Variants in PKN3 observed in about 807,000 individuals in gnomAD.
The protein encoded by PKN3 is serine/threonine-protein kinase N3.
In PKN3, 91 loss-of-function variants were observed where a neutral mutation model predicts 113.1. The ratio of observed to expected loss-of-function variants is 0.80; its 90% CI spans 0.68 to 0.96. PKN3 has a LOEUF of 0.96. Among genes scored for constraint, PKN3 ranks in the 40% least tolerant of loss-of-function variants. The pLI, the probability that PKN3 is intolerant of heterozygous loss-of-function variation, is 0.00. For missense variants in PKN3, 1,052 were observed against 1,202.2 expected (o/e 0.88, Z 1.85); for synonymous variants, 467 against 499.0 (o/e 0.94, Z 0.85).
Position 128,720,240 on chromosome 9 carries a change from G to A in PKN3, c.2414G>A (p.Gly805Asp), listed in dbSNP as rs1031769231. Residue 805 changes from glycine (G) to aspartate (D), a missense_variant, in exon 21 of 22, where the codon GGT becomes GAT. Gly to Asp is a moderately conservative substitution (Grantham distance 94). This residue lies in a region of PKN3 where 333 missense variants were observed against 442.8 expected (regional missense o/e 0.75). Transcript: ENST00000291906. This position sits in a 1 kb window ranked among gnomAD's most constrained non-coding sequence, Gnocchi z 5.5. ...QKCPEKRLGA[G>D]EQDAEEIKVQ... is the part of the protein sequence containing the mutation. ...TGCCCGGAGAAGCGCCTCGGGGCAG[G>A]TGAGCAGGATGCCGAGGAGATCAAG... 2 of 1,613,864 alleles carry A rather than the reference G, an allele frequency of 1.2e-6. No homozygotes were observed. Among genetic ancestry groups the A allele is most frequent in the Non-Finnish European group, 1.7e-6 (2 of 1,180,024 alleles).
In PKN3 at chr9:128,714,050, CCTT is replaced by C. The variant is rs1564374903; in HGVS notation, c.1244_1246del (p.Phe415del). On this transcript the variant is annotated inframe_deletion, in exon 10 of 22. Transcript: ENST00000291906. ...ACCCTGCCCCTACCCCTGCAGGTGA[CCTT>C]CTGCGATCCTGTCATTGAGAGGCGG... The C allele has an allele frequency of 1.9e-6, 3 of 1,614,086 alleles. No individual in the cohort carries two copies. The highest frequency in any genetic ancestry group is 2.7e-5 in the African/African-American group (2 of 75,022).
In PKN3 at chr9:128,720,323, G is replaced by A; in HGVS notation, c.2457+40G>A. ...TGGCGGTGGTCCCCTGTGCCTGGCAGGGTAGGTGGCATGGAGTGACTCCTG... is the reference window on the plus strand; with the variant it reads ...TGGCGGTGGTCCCCTGTGCCTGGCAAGGTAGGTGGCATGGAGTGACTCCTG... On this transcript the variant is annotated intron_variant, in intron 21 of 21. Transcript: ENST00000291906. This position sits in a 1 kb window ranked among gnomAD's most constrained non-coding sequence, Gnocchi z 5.5. 1 of 1,612,518 alleles carries A rather than the reference G, an allele frequency of 6.2e-7. No homozygotes were observed. The highest frequency in any genetic ancestry group is 8.5e-7 in the Non-Finnish European group (1 of 1,179,074).
In PKN3 at chr9:128,702,568, G is replaced by A. The variant is rs1259194573; in HGVS notation, c.-348G>A. ...GGGGAAGGCCAGAGGACCTGGGCGCGGGCGATGTGCCTCCTGAGCGTCCAA... is the reference window on the plus strand; with the variant it reads ...GGGGAAGGCCAGAGGACCTGGGCGCAGGCGATGTGCCTCCTGAGCGTCCAA... On this transcript the variant is annotated 5_prime_UTR_variant, in exon 1 of 22. Coordinates refer to ENST00000291906, the MANE Select transcript of PKN3 (RefSeq NM_013355.5). 1 of 274,072 alleles carries A rather than the reference G, an allele frequency of 3.6e-6. No homozygotes were observed. The highest frequency in any genetic ancestry group is 6.8e-6 in the Non-Finnish European group (1 of 147,984). 17.0% of individuals were successfully genotyped at this position (274,072 alleles called of 1,614,324 possible).
Position 128,720,489 on chromosome 9 carries a change from G to T in PKN3, c.2553G>T (p.Glu851Asp). The T allele has an allele frequency of 6.2e-7, 1 of 1,613,166 alleles. No individual in the cohort carries two copies. Residue 851 changes from glutamate (E) to aspartate (D), a missense_variant, in exon 22 of 22, where the codon GAG (glutamate) becomes GAT (aspartate). Glu to Asp is a conservative substitution (Grantham distance 45, BLOSUM62 2). Transcript: ENST00000291906. This position sits in a 1 kb window ranked among gnomAD's most constrained non-coding sequence, Gnocchi z 5.5. The part of the protein sequence containing the change: ...GPADLRYFEG[E>D]FTGLPPALTP... ...CGGACCTGCGCTACTTTGAGGGCGA[G>T]TTCACAGGGCTGCCGCCTGCCCTGA...
At position 128,720,020 on chromosome 9, in the gene PKN3, A is replaced by G. The variant is rs755172403; in HGVS notation, c.2376+3A>G. 1 of 1,611,878 alleles carries G rather than the reference A, an allele frequency of 6.2e-7. No homozygotes were observed. The highest frequency in any genetic ancestry group is 1.1e-5 in the South Asian group (1 of 91,042). ...AAGGGCTTGAGTTCATTCAGAAGGTAAGCACTGCGGGGTCTGGGGCTGGGC... is the reference window on the plus strand; with the variant it reads ...AAGGGCTTGAGTTCATTCAGAAGGTGAGCACTGCGGGGTCTGGGGCTGGGC... On this transcript the variant is annotated splice_donor_region_variant and intron_variant, in intron 20 of 21. Transcript: ENST00000291906. The surrounding 1 kb of genome is among the most constrained non-coding windows in gnomAD (Gnocchi z 5.5).
At position 128,714,832 on chromosome 9, in the gene PKN3, G is replaced by A. The variant is rs757729788; in HGVS notation, c.1619G>A (p.Arg540Gln). The change falls in exon 13 of 22, where the codon CGA becomes CAA. Residue 540 changes from arginine to glutamine, a missense_variant. Arg to Gln is a conservative substitution (Grantham distance 43, BLOSUM62 1). This residue lies in a region of PKN3 where 719 missense variants were observed against 759.4 expected (regional missense o/e 0.95). Transcript: ENST00000291906. ...CGTCCCCATATGGAGCCTAGGACTC[G>A]ACGTGGGCCATCTCCACCAGCCTCC... Reference protein sequence around the residue: ...TKRPHMEPRTRRGPSPPASPT... With the variant: ...TKRPHMEPRTQRGPSPPASPT... 11 of 1,613,890 alleles carry A rather than the reference G, an allele frequency of 6.8e-6. No individual in the cohort carries two copies. The Admixed American group carries it at 1.0e-4, about 15-fold the overall frequency.
chr9:128,715,138 T>C lies in PKN3; in HGVS notation c.1653-34T>C. 1 of 1,606,338 alleles carries C rather than the reference T, an allele frequency of 6.2e-7. No individual in the cohort carries two copies. The highest frequency in any genetic ancestry group is 2.2e-5 in the East Asian group (1 of 44,812). On this transcript the variant is annotated intron_variant, in intron 13 of 21. Coordinates refer to ENST00000291906, the MANE Select transcript of PKN3 (RefSeq NM_013355.5). The surrounding 1 kb of genome is among the most constrained non-coding windows in gnomAD (Gnocchi z 4.1). Reference sequence around the variant, plus strand: ...CTGGGTAGGGGCCCAGCCAGTGCCCTAGGGGACTTCATATACCCTCTCTTC... The same window carrying C: ...CTGGGTAGGGGCCCAGCCAGTGCCCCAGGGGACTTCATATACCCTCTCTTC...
At chr9:128,703,793 G>A in intron 1 of PKN3, 1 of 985,450 alleles carries the variant, frequency 1.0e-6, no homozygotes, top group South Asian at 4.7e-5. Flanking sequence ...CTGGGGCTCG[G>A]TCTGCCCCCT....
intron 6 of PKN3, chr9:128,709,991 T>G (rs528758699): frequency 1.4e-5 from 2 of 146,450 alleles, no homozygotes; most frequent in African/African-American, 2.5e-5. Flanking sequence ...AGTGGCGCGA[T>G]CTCGGCTCAC....
chr9:128,705,353 G>T lies in PKN3; in HGVS notation c.75G>T (p.Arg25=). ...PPEDEKEVIR[R]AIQKELKIKE... is the part of the protein sequence containing the mutation. The stretch of plus-strand genomic sequence containing the variant: ...AGGATGAGAAGGAGGTGATCCGCCG[G>T]GCCATCCAGAAAGAGCTGAAGATCA... The change falls in exon 2 of 22, where the codon CGG becomes CGT. Residue 25 remains arginine, a synonymous_variant. Transcript: ENST00000291906. 6.3e-7 allele frequency: 1 copy of T among 1,586,196 alleles called. No homozygotes were observed. The highest frequency in any genetic ancestry group is 8.6e-7 in the Non-Finnish European group (1 of 1,167,388).
At chr9:128,716,385 G>T (rs768219136) in intron 15 of PKN3, among the ~76,000 whole-genome samples, 2 of 150,420 alleles carry the variant, frequency 1.3e-5, no homozygotes, top group African/African-American at 4.9e-5. Context: ...ATAACTTGAG[G>T]CCAAGAGTTC....
At chr9:128,704,978 G>A (rs1034313100) in intron 1 of PKN3, among the ~76,000 whole-genome samples, 7 of 152,010 alleles carry the variant, frequency 4.6e-5, no homozygotes, top group East Asian at 3.8e-4. Flanking sequence ...CACCGCTACC[G>A]GGTGGGGTGG....
chr9:128,703,874 C>A (rs1861927998), intron 1 of PKN3: 3 of 985,346 alleles, frequency 3.0e-6, no homozygotes, highest in Non-Finnish European at 3.6e-6. Flanking sequence ...CGATTTCCTG[C>A]GGGGCTCCGC....
At chr9:128,719,310 C>A (rs1441547500) in intron 18 of PKN3, among the ~76,000 whole-genome samples, 4 of 151,922 alleles carry the variant, frequency 2.6e-5, no homozygotes, top group African/African-American at 9.7e-5. Flanking sequence ...CTGCCTCAGC[C>A]TCCCGAGTAC....
At chr9:128,705,259 C>A (rs954844399) in intron 1 of PKN3, 44 bp from the exon 2 acceptor site, 12 of 1,547,392 alleles carry the variant, frequency 7.8e-6, no homozygotes, top group African/African-American at 1.4e-5. Flanking sequence ...GGCCGCTGCA[C>A]CCCATGGCTG....
At chr9:128,718,668 C>T (rs1400572802) in intron 18 of PKN3, 43 bp downstream of exon 18, 1 of 1,558,722 alleles carries the variant, frequency 6.4e-7, no homozygotes, top group East Asian at 2.2e-5. Flanking sequence ...GCCTTGTTTA[C>T]CCACCCTGGC....
intron 6 of PKN3, among the ~76,000 whole-genome samples, chr9:128,708,014 T>C (rs1193998652): frequency 7.2e-6 from 1 of 138,270 alleles, no homozygotes; most frequent in Non-Finnish European, 1.5e-5. Flanking sequence ...GAGGTTGCAG[T>C]GAGCCGAGAT....
chr9:128,715,351 AC>A lies in PKN3; in HGVS notation c.1717-16del. The A allele has an allele frequency of 6.2e-7, 1 of 1,612,476 alleles. No individual in the cohort carries two copies. On this transcript the variant is annotated splice_polypyrimidine_tract_variant and intron_variant, in intron 14 of 21. Coordinates refer to ENST00000291906, the MANE Select transcript of PKN3 (RefSeq NM_013355.5). This position sits in a 1 kb window ranked among gnomAD's most constrained non-coding sequence, Gnocchi z 4.1. ...CCTGGTCTGGCCCACCTGGAGCACA[AC>A]CTCTCTCTGGCCCCAGGTCCTCCTG...
In PKN3 at chr9:128,720,567, G is replaced by A. The variant is rs1862510011; in HGVS notation, c.2631G>A (p.Arg877=). 2.5e-6 allele frequency: 4 copies of A among 1,613,452 alleles called. No individual in the cohort carries two copies. The highest frequency in any genetic ancestry group is 3.4e-6 in the Non-Finnish European group (4 of 1,179,994). ...LLTARQQAAF[R]DFDFVSERFL... ...CTGCCCGCCAACAGGCCGCCTTCCG[G>A]GACTTCGACTTTGTGTCAGAGCGAT... The change falls in exon 22 of 22, where the codon CGG becomes CGA. Residue 877 remains arginine (R), a synonymous_variant. Coordinates refer to ENST00000291906, the MANE Select transcript of PKN3 (RefSeq NM_013355.5). The surrounding 1 kb of genome is among the most constrained non-coding windows in gnomAD (Gnocchi z 5.5).
Sources: gnomAD v4.1 joint callset for allele counts (sites outside exome capture counted in the v4.1 genomes callset) on GRCh38, gnomAD v4.1.1 for gene constraint, gnomAD v4.1.1 regional missense constraint, Gnocchi (gnomAD v3.1) non-coding constraint, MANE v1.5 for transcripts, NCBI Gene and HGNC (gene_info 2026-07-23, HGNC 2026-07-21) for gene names.